SOD1: variants seen among roughly 807,000 people sequenced by gnomAD.
The protein encoded by SOD1 is superoxide dismutase 1, also known as superoxide dismutase [Cu-Zn].
SOD1 carries 8 observed loss-of-function variants against 15.9 expected under a neutral mutation model. That is an observed-to-expected ratio of 0.50 (90% CI 0.30 to 0.91). SOD1 has a LOEUF of 0.91. Among genes scored for constraint, SOD1 ranks in the 40% least tolerant of loss-of-function variants. SOD1 has a pLI of 0.07. For synonymous variants in SOD1, 86 were observed against 71.2 expected, an observed-to-expected ratio of 1.21 and a Z score of -1.04; for missense variants, 137 against 194.5, an observed-to-expected ratio of 0.70 and a Z score of 1.76.
At chr21:31,665,195 C>T (rs2049582879) in intron 2 of SOD1, among the ~76,000 whole-genome samples, 1 of 152,078 alleles carries the variant, frequency 6.6e-6, no homozygotes, top group African/African-American at 2.4e-5. Flanking sequence ...TTTAAAAAAT[C>T]AGGCAACCCC....
At chr21:31,663,926 C>A in intron 2 of SOD1, 40 bp downstream of exon 2, 1 of 1,465,030 alleles carries the variant, frequency 6.8e-7, no homozygotes, top group Non-Finnish European at 9.6e-7. Flanking sequence ...ACTTGTTCAC[C>A]CTAGTTAGAT....
chr21:31,663,159 T>C (rs2049563473), intron 1 of SOD1, among the ~76,000 whole-genome samples: 1 of 148,534 alleles, frequency 6.7e-6, no homozygotes, highest in Admixed American at 6.7e-5. Context: ...GAGTATGCCA[T>C]ATGGAAAAGG....
At chr21:31,660,295 C>T (rs1339275121) in intron 1 of SOD1, 1 of 152,424 alleles carries the variant, frequency 6.6e-6, no homozygotes, top group African/African-American at 2.4e-5. Flanking sequence ...GCGACTGCGC[C>T]TGGGCCCGCC....
chr21:31,666,725 C>A, intron 3 of SOD1: 2 of 606,076 alleles, frequency 3.3e-6, no homozygotes, highest in Non-Finnish European at 5.9e-6. Flanking sequence ...ACACTTAAAA[C>A]GATTTGGTTT....
chr21:31,667,397 T>C, intron 4 of SOD1, 22 bp downstream of exon 4: 1 of 1,471,000 alleles, frequency 6.8e-7, no homozygotes, highest in South Asian at 1.1e-5. Context: ...TAAAAGGATA[T>C]GCATAAAACT....
rs940277948 is a variant in SOD1 at position 31,667,153 on chromosome 21, G to A, written c.240-105G>A. The stretch of plus-strand genomic sequence containing the variant: ...CTGTATTTAGAATGCCTAGCTACTT[G>A]TTTGCAAATTTGTGTCTACTCAGTC... On this transcript the variant is annotated intron_variant, in intron 3 of 4. Coordinates refer to ENST00000270142, the MANE Select transcript of SOD1 (RefSeq NM_000454.5). The A allele has an allele frequency of 2.3e-5, 19 of 819,154 alleles. No individual in the cohort carries two copies. The African/African-American group carries it at 2.5e-4, about 11-fold the overall frequency. The allele number at this position is 819,154 out of a possible 1,614,324, so 50.7% of individuals were successfully genotyped here.
Position 31,659,806 on chromosome 21 carries a change from G to A in SOD1, c.37G>A (p.Gly13Ser). Residue 13 changes from glycine (G) to serine (S), a missense_variant, in exon 1 of 5, where the codon GGC (glycine) becomes AGC (serine). Physicochemically the swap from Gly to Ser is moderately conservative, Grantham distance 56 (BLOSUM62 0). Transcript: ENST00000270142. ...GGCCGTGTGCGTGCTGAAGGGCGAC[G>A]GCCCAGTGCAGGGCATCATCAATTT... ...TKAVCVLKGD[G>S]PVQGIINFEQ... The A allele has an allele frequency of 6.2e-7, 1 of 1,613,862 alleles. No individual in the cohort carries two copies. Among genetic ancestry groups the A allele is most frequent in the Admixed American group, 1.7e-5 (1 of 60,030 alleles).
At chr21:31,663,369 A>G (rs1486917647) in intron 1 of SOD1, among the ~76,000 whole-genome samples, 1 of 152,238 alleles carries the variant, frequency 6.6e-6, no homozygotes, top group Non-Finnish European at 1.5e-5. Context: ...ATGTACATGT[A>G]TATTCAACAT....
chr21:31,662,347 A>G (rs1292213363), intron 1 of SOD1, among the ~76,000 whole-genome samples: 3 of 152,258 alleles, frequency 2.0e-5, no homozygotes, highest in Non-Finnish European at 4.4e-5. Flanking sequence ...TCATTTGAGC[A>G]ATGATATTTT....
rs17883998 is a variant in SOD1, at chr21:31,666,362, T to C, written c.170-87T>C. Reference sequence around the variant, plus strand: ...GTGATGCAGGTCAGCACTTTCTCCATGGGAAGTTTTAGCAGTGTTTCTTTT... The same window carrying C: ...GTGATGCAGGTCAGCACTTTCTCCACGGGAAGTTTTAGCAGTGTTTCTTTT... On this transcript the variant is annotated intron_variant, in intron 2 of 4. Transcript: ENST00000270142. The C allele has an allele frequency of 2.8e-4, 275 of 981,088 alleles. No individual in the cohort carries two copies. In the African/African-American group the frequency reaches 4.0e-3, roughly 14 times the overall value. 60.8% of individuals were successfully genotyped at this position (981,088 alleles called of 1,614,324 possible). A position where few individuals can be genotyped will look rare whatever the true frequency, so the allele number is the denominator to read the frequency against.
At position 31,659,897 on chromosome 21, in the gene SOD1, C is replaced by G. The variant is rs2049532859; in HGVS notation, c.72+56C>G. 1.9e-6 allele frequency: 3 copies of G among 1,566,902 alleles called. No individual in the cohort carries two copies. The South Asian group carries it at 3.3e-5, about 17-fold the overall frequency. ...GGCCGCTCCCACCCGCTCGTCCCCC[C>G]GCGCACCTTTGCTAGGAGCGGGTCG... On this transcript the variant is annotated intron_variant, in intron 1 of 4. Transcript: ENST00000270142.
chr21:31,668,135 C>T (rs913937882), intron 4 of SOD1, among the ~76,000 whole-genome samples: 15 of 151,950 alleles, frequency 9.9e-5, no homozygotes, highest in South Asian at 2.1e-4. Context: ...AAAAAAACTG[C>T]CAAAGTAAGA....
Position 31,659,808 on chromosome 21 carries a change from C to T in SOD1, c.39C>T (p.Gly13=), listed in dbSNP as rs377178013. The change falls in exon 1 of 5, where the codon GGC becomes GGT. Residue 13 remains glycine (G), a synonymous_variant. Coordinates refer to ENST00000270142, the MANE Select transcript of SOD1 (RefSeq NM_000454.5). ...TKAVCVLKGD[G]PVQGIINFEQ... ...CCGTGTGCGTGCTGAAGGGCGACGGCCCAGTGCAGGGCATCATCAATTTCG... is the reference window on the plus strand; with the variant it reads ...CCGTGTGCGTGCTGAAGGGCGACGGTCCAGTGCAGGGCATCATCAATTTCG... 3.1e-6 allele frequency: 5 copies of T among 1,613,840 alleles called. No individual in the cohort carries two copies. In the African/African-American group the frequency reaches 5.3e-5, roughly 17 times the overall value.
chr21:31,666,770 G>C (rs908415270), intron 3 of SOD1: 3 of 530,868 alleles, frequency 5.7e-6, no homozygotes, highest in Non-Finnish European at 1.0e-5. Flanking sequence ...TAATACAAGT[G>C]CCAAAGGGGA....
chr21:31,663,502 C>T (rs1181628337), intron 1 of SOD1, among the ~76,000 whole-genome samples: 1 of 152,144 alleles, frequency 6.6e-6, no homozygotes, highest in African/African-American at 2.4e-5. Context: ...ACTTTGCTTG[C>T]CACTCTATTA....
rs1435878726 is a variant in SOD1 at position 31,668,658 on chromosome 21, T to A, written c.*80T>A. The A allele has an allele frequency of 1.3e-5, 14 of 1,042,064 alleles. No homozygotes were observed. The highest frequency in any genetic ancestry group is 2.1e-5 in the Non-Finnish European group (14 of 663,686). 64.6% of individuals were successfully genotyped at this position (1,042,064 alleles called of 1,614,324 possible). ...TGTAGAAATGTATCCTGATAAACAT[T>A]AAACACTGTAATCTTAAAAGTGTAA... On this transcript the variant is annotated 3_prime_UTR_variant, in exon 5 of 5. Coordinates refer to ENST00000270142, the MANE Select transcript of SOD1 (RefSeq NM_000454.5).
intron 2 of SOD1, among the ~76,000 whole-genome samples, chr21:31,666,174 A>C (rs1030504914): frequency 6.6e-6 from 1 of 152,034 alleles, no homozygotes; most frequent in African/African-American, 2.4e-5. Flanking sequence ...GGGTTTTGCT[A>C]TGCTGGCCAG....
At chr21:31,659,992 G>T (rs960155187) in intron 1 of SOD1, 151 bp downstream of exon 1, 4 of 661,216 alleles carry the variant, frequency 6.0e-6, no homozygotes, top group Middle Eastern at 8.8e-4. Context: ...CGGTGCCTTC[G>T]CCCCCAGCGG....
intron 3 of SOD1, chr21:31,666,978 C>T (rs1036068916): frequency 1.4e-5 from 7 of 494,536 alleles, no homozygotes; most frequent in African/African-American, 1.9e-5. Context: ...ATATCAGAGG[C>T]CTTGGGACAT....
Sources: allele counts gnomAD v4.1 joint callset (sites outside exome capture counted in the v4.1 genomes callset), GRCh38; gene constraint gnomAD v4.1.1; transcripts MANE v1.5; gene names NCBI Gene and HGNC (gene_info 2026-07-23, HGNC 2026-07-21).